Variants in HS6ST3 observed in about 807,000 individuals in gnomAD.
HS6ST3 encodes the protein heparan sulfate 6-O-sulfotransferase 3, also known as heparan-sulfate 6-O-sulfotransferase 3.
Under a neutral mutation model 36.7 loss-of-function variants are expected in HS6ST3, and 12 were observed. The observed-to-expected ratio is 0.33, with a 90% CI of 0.21 to 0.53. HS6ST3 has a LOEUF of 0.53. Among genes scored for constraint, HS6ST3 ranks in the 20% least tolerant of loss-of-function variants. HS6ST3 has a pLI of 0.95. For missense variants in HS6ST3, 584 were observed against 640.9 expected, an observed-to-expected ratio of 0.91 and a Z score of 0.96; for synonymous variants, 240 against 257.5, an observed-to-expected ratio of 0.93 and a Z score of 0.65.
At position 96,452,217 on chromosome 13, in the gene HS6ST3, T is replaced by C. The variant is rs574959047; in HGVS notation, c.707+360648T>C. 2.0e-5 allele frequency among the ~76,000 whole-genome samples: 3 copies of C among 152,320 alleles called. No homozygotes were observed. In the South Asian group the frequency reaches 6.2e-4, roughly 32 times the overall value. On this transcript the variant is annotated intron_variant, in intron 1 of 1. Transcript: ENST00000376705. Reference sequence around the variant, plus strand: ...GAACATAACCCTCAGCACATCTATATGGTAAACCTGTTAAATTCATAGAGA... The same window carrying C: ...GAACATAACCCTCAGCACATCTATACGGTAAACCTGTTAAATTCATAGAGA...
chr13:96,324,626 A>T (rs1187486647), intron 1 of HS6ST3, among the ~76,000 whole-genome samples: 2 of 152,208 alleles, frequency 1.3e-5, no homozygotes, highest in East Asian at 3.9e-4. Flanking sequence ...GTAGATGATC[A>T]GATTAAGATG....
intron 1 of HS6ST3, among the ~76,000 whole-genome samples, chr13:96,435,033 C>A (rs1455518447): frequency 6.6e-6 from 1 of 151,954 alleles, no homozygotes; most frequent in African/African-American, 2.4e-5. Context: ...AATCCTACTA[C>A]CTATCCTCAA....
intron 1 of HS6ST3, among the ~76,000 whole-genome samples, chr13:96,170,521 C>T (rs1056776384): frequency 2.0e-5 from 3 of 152,114 alleles, no homozygotes; most frequent in African/African-American, 7.2e-5. Flanking sequence ...ATGAGGCAGC[C>T]AAGCAATTTT....
At chr13:96,748,246 TGGA>T (rs1271998573) in intron 1 of HS6ST3, among the ~76,000 whole-genome samples, 25 of 152,054 alleles carry the variant, frequency 1.6e-4, no homozygotes, top group African/African-American at 5.3e-4. Flanking sequence ...TACCTCTGCT[TGGA>T]TCCTGTGCCC....
intron 1 of HS6ST3, among the ~76,000 whole-genome samples, chr13:96,419,068 A>G (rs937669761): frequency 2.6e-5 from 4 of 152,224 alleles, no homozygotes; most frequent in African/African-American, 9.6e-5. Flanking sequence ...CTTTTTTTCT[A>G]GTGTCAATTG....
At chr13:96,658,538 C>A (rs989474173) in intron 1 of HS6ST3, among the ~76,000 whole-genome samples, 9 of 151,004 alleles carry the variant, frequency 6.0e-5, no homozygotes, top group Non-Finnish European at 1.3e-4. Context: ...CTGCCTTGGC[C>A]TCCCAAAGTG....
At chr13:96,795,751 G>A (rs897576843) in intron 1 of HS6ST3, among the ~76,000 whole-genome samples, 1 of 152,126 alleles carries the variant, frequency 6.6e-6, no homozygotes, top group African/African-American at 2.4e-5. Flanking sequence ...TATGTTGGGA[G>A]ACCAGTTTCC....
intron 1 of HS6ST3, among the ~76,000 whole-genome samples, chr13:96,165,595 G>C (rs563071471): frequency 6.6e-6 from 1 of 152,300 alleles, no homozygotes; most frequent in South Asian, 2.1e-4. Context: ...GTGTGCAAAT[G>C]GGTCAGCTGT....
intron 1 of HS6ST3, among the ~76,000 whole-genome samples, chr13:96,363,150 A>C (rs978606182): frequency 6.6e-6 from 1 of 152,034 alleles, no homozygotes; most frequent in African/African-American, 2.4e-5. Context: ...CACACACACC[A>C]CACACACACG....
At chr13:96,347,383 G>C (rs963296435) in intron 1 of HS6ST3, among the ~76,000 whole-genome samples, 1 of 152,108 alleles carries the variant, frequency 6.6e-6, no homozygotes, top group African/African-American at 2.4e-5. Flanking sequence ...GTCTTTTGCT[G>C]CCTCTTTTAA....
intron 1 of HS6ST3, among the ~76,000 whole-genome samples, chr13:96,594,928 TTTGC>T (rs2056396036): frequency 6.6e-6 from 1 of 152,228 alleles, no homozygotes; most frequent in South Asian, 2.1e-4. Context: ...TTCGCTAGTA[TTTGC>T]TTGCTTGGGA....
At chr13:96,804,750 C>T (rs1878157152) in intron 1 of HS6ST3, among the ~76,000 whole-genome samples, 1 of 152,090 alleles carries the variant, frequency 6.6e-6, no homozygotes, top group Admixed American at 6.6e-5. Flanking sequence ...CCACATCAGA[C>T]TCTTTGACGG....
intron 1 of HS6ST3, among the ~76,000 whole-genome samples, chr13:96,242,786 A>C (rs1243024420): frequency 6.6e-6 from 1 of 152,244 alleles, no homozygotes; most frequent in Admixed American, 6.5e-5. Flanking sequence ...AGATTTAGAA[A>C]TAGAATTACC....
intron 1 of HS6ST3, among the ~76,000 whole-genome samples, chr13:96,475,942 A>G (rs1407354074): frequency 6.6e-6 from 1 of 152,148 alleles, no homozygotes. Context: ...AAACAAATAA[A>G]CTAACCGAAA....
At chr13:96,374,698 C>G (rs2055306267) in intron 1 of HS6ST3, among the ~76,000 whole-genome samples, 1 of 152,058 alleles carries the variant, frequency 6.6e-6, no homozygotes, top group Non-Finnish European at 1.5e-5. Context: ...AGCCTGCAGG[C>G]ATCACAAAAA....
chr13:96,606,783 T>TA (rs962256869), intron 1 of HS6ST3, among the ~76,000 whole-genome samples: 10 of 151,730 alleles, frequency 6.6e-5, no homozygotes, highest in Non-Finnish European at 1.3e-4. Context: ...GAAATCATTT[T>TA]AAAAAAAGAA....
chr13:96,657,048 C>T (rs146545691), intron 1 of HS6ST3, among the ~76,000 whole-genome samples: 4 of 149,166 alleles, frequency 2.7e-5, no homozygotes, highest in African/African-American at 9.9e-5. Context: ...TACATGTGCA[C>T]ATGTGTCTTA....
intron 1 of HS6ST3, among the ~76,000 whole-genome samples, chr13:96,739,004 A>G (rs1876362421): frequency 6.6e-6 from 1 of 152,168 alleles, no homozygotes; most frequent in Non-Finnish European, 1.5e-5. Flanking sequence ...CTTGATCTTG[A>G]TAAATCATTT....
intron 1 of HS6ST3, among the ~76,000 whole-genome samples, chr13:96,214,127 A>G (rs1247099614): frequency 6.6e-6 from 1 of 152,216 alleles, no homozygotes. Flanking sequence ...ATATGCATGT[A>G]TGTCTAACCA....
Sources: allele counts gnomAD v4.1 joint callset (sites outside exome capture counted in the v4.1 genomes callset), GRCh38; gene constraint gnomAD v4.1.1; transcripts MANE v1.5; gene names NCBI Gene and HGNC (gene_info 2026-07-23, HGNC 2026-07-21).